ARHGEF9: variants seen among roughly 807,000 people sequenced by gnomAD.
ARHGEF9 encodes the protein Cdc42 guanine nucleotide exchange factor 9.
A neutral mutation model predicts 41.3 loss-of-function variants in ARHGEF9; 2 were observed. The ratio of observed to expected loss-of-function variants is 0.05; its 90% CI spans 0.02 to 0.15. The LOEUF (loss-of-function observed/expected upper bound fraction) is 0.15, where lower values mean the gene tolerates loss of function less well. Ranked by LOEUF, ARHGEF9 falls within the 10% of genes least tolerant of loss-of-function variation. ARHGEF9 has a pLI of 1.00. For synonymous variants in ARHGEF9, 160 were observed against 154.4 expected (o/e 1.04, Z -0.27); for missense variants, 225 against 424.7 (o/e 0.53, Z 4.13).
intron 8 of ARHGEF9, among the ~76,000 whole-genome samples, chrX:63,650,004 AG>A (rs2048431375): frequency 8.9e-6 from 1 of 112,042 alleles, no homozygotes; most frequent in South Asian, 3.7e-4. Flanking sequence ...AGGAAATAAA[AG>A]TGAAAATTAA....
In ARHGEF9 at chrX:63,723,687, C is replaced by A. The variant is rs371471580; in HGVS notation, c.210+845G>T. On this transcript the variant is annotated intron_variant, in intron 2 of 9. Transcript: ENST00000671741. ...AAAATAGTCAAATAGCTGATTCCAG[C>A]TCACAATTCCAAGAAAAAATAAGAG... is the stretch of plus-strand genomic sequence containing the variant. Among the ~76,000 whole-genome samples, 107 of 112,120 alleles carry A rather than the reference C, an allele frequency of 9.5e-4. 1 individual carries two copies. The South Asian group carries it at 0.012, about 13-fold the overall frequency.
chrX:63,783,686 C>T (rs2056417716), intron 1 of ARHGEF9, among the ~76,000 whole-genome samples: 1 of 111,830 alleles, frequency 8.9e-6, no homozygotes, highest in Admixed American at 9.4e-5. Flanking sequence ...AGGACTGTGG[C>T]AGTCAGGAGA....
intron 9 of ARHGEF9, among the ~76,000 whole-genome samples, chrX:63,643,738 C>G (rs1556309115): frequency 2.8e-5 from 3 of 108,676 alleles, no homozygotes; most frequent in Non-Finnish European, 5.7e-5. Flanking sequence ...AAAAGAGGAA[C>G]AGAGGTTATA....
At chrX:63,671,252 GACA>G (rs1556355242) in intron 6 of ARHGEF9, 1 of 111,711 alleles carries the variant, frequency 9.0e-6, no homozygotes, top group Non-Finnish European at 1.9e-5. Context: ...TCCTTGCCTA[GACA>G]ACTTCTTGGG....
intron 8 of ARHGEF9, among the ~76,000 whole-genome samples, chrX:63,645,925 C>G (rs1310852370): frequency 4.5e-5 from 5 of 112,164 alleles, no homozygotes; most frequent in Non-Finnish European, 9.4e-5. Flanking sequence ...GCCATTCCAA[C>G]TGGAGTGAGA....
chrX:63,766,261 G>A (rs1310177984), intron 1 of ARHGEF9, among the ~76,000 whole-genome samples: 1 of 112,009 alleles, frequency 8.9e-6, no homozygotes, highest in Non-Finnish European at 1.9e-5. Context: ...ATGAATGTGT[G>A]TGTATGCACA....
chrX:63,715,917 C>T (rs2053260176), intron 2 of ARHGEF9: 1 of 112,127 alleles, frequency 8.9e-6, no homozygotes, highest in South Asian at 3.7e-4. Flanking sequence ...GGTTGTACAA[C>T]ATTGCAAATG....
intron 1 of ARHGEF9, among the ~76,000 whole-genome samples, chrX:63,738,325 G>C (rs782597925): frequency 1.8e-5 from 2 of 112,314 alleles, no homozygotes; most frequent in Non-Finnish European, 3.8e-5. Context: ...AGGGCAGGGA[G>C]TGGAAGGGAG....
chrX:63,783,156 C>T (rs1452013345), intron 1 of ARHGEF9, among the ~76,000 whole-genome samples: 7 of 111,906 alleles, frequency 6.3e-5, no homozygotes, highest in African/African-American at 2.3e-4. Context: ...AACCTGTTGT[C>T]AATGAGTGGC....
At chrX:63,677,411 C>T (rs2050323070) in intron 5 of ARHGEF9, among the ~76,000 whole-genome samples, 3 of 111,973 alleles carry the variant, frequency 2.7e-5, no homozygotes, top group Non-Finnish European at 5.6e-5. Flanking sequence ...TATTTCAGCC[C>T]TACCTATCTG....
intron 4 of ARHGEF9, among the ~76,000 whole-genome samples, chrX:63,696,266 T>C (rs1839388114): frequency 8.9e-6 from 1 of 111,851 alleles, no homozygotes; most frequent in Admixed American, 9.5e-5. Flanking sequence ...TTATATTAAG[T>C]GCACATATTA....
chrX:63,639,268 A>C (rs781937380), intron 9 of ARHGEF9: 1 of 112,251 alleles, frequency 8.9e-6, no homozygotes, highest in Non-Finnish European at 1.9e-5. Context: ...ATCTTTTCTA[A>C]GAGCTAGTTT....
chrX:63,722,905 G>A (rs1184351806), intron 2 of ARHGEF9: 4 of 111,681 alleles, frequency 3.6e-5, no homozygotes, highest in Non-Finnish European at 7.5e-5. Context: ...TGACTGAAGA[G>A]AAGAAAAGAT....
chrX:63,769,060 G>A (rs112526837), intron 1 of ARHGEF9, among the ~76,000 whole-genome samples: 2,025 of 111,681 alleles, frequency 0.018, 17 homozygotes, highest in Middle Eastern at 0.038. Context: ...CAGTTTGAAG[G>A]GCTCAGAAGA....
chrX:63,658,335 A>G (rs1363411703), intron 7 of ARHGEF9, among the ~76,000 whole-genome samples: 1 of 111,988 alleles, frequency 8.9e-6, no homozygotes, highest in Non-Finnish European at 1.9e-5. Context: ...ATAATTAAGA[A>G]TGACCTACTA....
chrX:63,735,781 C>T lies in ARHGEF9; in HGVS notation c.31-11070G>A, dbSNP rs141235872. Among the ~76,000 whole-genome samples, 611 of 112,128 alleles carry T rather than the reference C, an allele frequency of 5.4e-3. 2 individuals carry two copies. The highest frequency in any genetic ancestry group is 0.017 in the South Asian group (44 of 2,639). On this transcript the variant is annotated intron_variant, in intron 1 of 9. Coordinates refer to ENST00000671741, the MANE Select transcript of ARHGEF9 (RefSeq NM_001353921.2). ...TGCAAAAACTCTAGACCTTGGCATA[C>T]GTTTCCAAAGAGAATGTAAGTATCT... is the stretch of plus-strand genomic sequence containing the variant.
chrX:63,779,484 A>G (rs782478554), intron 1 of ARHGEF9, among the ~76,000 whole-genome samples: 1 of 111,325 alleles, frequency 9.0e-6, no homozygotes, highest in South Asian at 3.9e-4. Flanking sequence ...CTATCATGAG[A>G]ACAACATGAG....
chrX:63,775,412 A>G (rs1333128311), intron 1 of ARHGEF9, among the ~76,000 whole-genome samples: 17 of 112,661 alleles, frequency 1.5e-4, no homozygotes, highest in African/African-American at 5.5e-4. Context: ...AATAGCGAAG[A>G]CATAAAATCA....
intron 2 of ARHGEF9, among the ~76,000 whole-genome samples, chrX:63,719,279 T>G (rs2053502550): frequency 8.9e-6 from 1 of 112,100 alleles, no homozygotes; most frequent in African/African-American, 3.2e-5. Flanking sequence ...ACTTTGAAGC[T>G]TGAATGGATA....
Sources: allele counts gnomAD v4.1 joint callset (sites outside exome capture counted in the v4.1 genomes callset), GRCh38; gene constraint gnomAD v4.1.1; transcripts MANE v1.5; gene names NCBI Gene and HGNC (gene_info 2026-07-23, HGNC 2026-07-21).